DGAT2: variants seen among roughly 807,000 people sequenced by gnomAD.
The protein encoded by DGAT2 is diacylglycerol O-acyltransferase 2, also known as acyl-CoA retinol O-fatty-acyltransferase.
Under a neutral mutation model 48.4 loss-of-function variants are expected in DGAT2, and 33 were observed. The ratio of observed to expected loss-of-function variants is 0.68; its 90% CI spans 0.52 to 0.91. The LOEUF (loss-of-function observed/expected upper bound fraction) is 0.91, where lower values mean the gene tolerates loss of function less well. DGAT2 is among the 40% of genes least tolerant of loss of function. The pLI is 0.00. For missense variants in DGAT2, 446 were observed against 493.7 expected, an observed-to-expected ratio of 0.90 and a Z score of 0.92; for synonymous variants, 191 against 194.1, an observed-to-expected ratio of 0.98 and a Z score of 0.13.
At chr11:75,777,918 G>A (rs974505247) in intron 1 of DGAT2, among the ~76,000 whole-genome samples, 4 of 152,096 alleles carry the variant, frequency 2.6e-5, no homozygotes, top group African/African-American at 9.7e-5. Flanking sequence ...ACATTAATAC[G>A]TAGGTGTTTT....
rs1944730707 is a variant in DGAT2, at chr11:75,769,115, G to C, written c.121+3G>C. ...GCGCGAGGGGTCTGGGAGATGGGGT[G>C]AGTGCCACGGCGCAGGGGTTATGGA... On this transcript the variant is annotated splice_donor_region_variant and intron_variant, in intron 1 of 7. Transcript: ENST00000228027. 1.3e-6 allele frequency: 2 copies of C among 1,562,422 alleles called. No homozygotes were observed. The highest frequency in any genetic ancestry group is 2.0e-5 in the Admixed American group (1 of 50,496).
chr11:75,800,461 A>C lies in DGAT2; in HGVS notation c.1120A>C (p.Lys374Gln), dbSNP rs1444713069. The C allele has an allele frequency of 6.2e-7, 1 of 1,614,078 alleles. No individual in the cohort carries two copies. Among genetic ancestry groups the C allele is most frequent in the Non-Finnish European group, 8.5e-7 (1 of 1,180,028 alleles). The change falls in exon 8 of 8, where the codon AAG becomes CAG. Residue 374 changes from lysine to glutamine, a missense_variant. Lys to Gln is a moderately conservative substitution (Grantham distance 53, BLOSUM62 1). Transcript: ENST00000228027. The part of the protein sequence containing the change: ...EALVKLFDKH[K>Q]TKFGLPETEV... ...CCTGGTGAAGCTCTTCGACAAGCAC[A>C]AGACCAAGTTCGGCCTCCCGGAGAC...
chr11:75,790,102 C>A, intron 2 of DGAT2, 86 bp from the exon 3 acceptor site: 1 of 992,642 alleles, frequency 1.0e-6, no homozygotes, highest in Non-Finnish European at 1.6e-6. Context: ...TAGCTTAGTG[C>A]CACAGTAAAC....
intron 4 of DGAT2, chr11:75,794,941 CCCTCCTCCGTTCCT>C (rs1229110384): frequency 1.1e-3 from 2 of 1,866 alleles, no homozygotes; most frequent in African/African-American, 7.2e-3. Context: ...CCTCCCCTCC[CCCTCCTCCGTTCCT>C]CTCCCCTCTC....
chr11:75,785,134 C>T (rs1944908683), intron 2 of DGAT2, among the ~76,000 whole-genome samples: 1 of 152,182 alleles, frequency 6.6e-6, no homozygotes, highest in Non-Finnish European at 1.5e-5. Context: ...TGTTACTTTG[C>T]CTTAAGGTGG....
intron 7 of DGAT2, among the ~76,000 whole-genome samples, chr11:75,799,615 T>A (rs1005843121): frequency 2.3e-4 from 35 of 151,976 alleles, no homozygotes; most frequent in African/African-American, 4.6e-4. Flanking sequence ...CTTTTTATTT[T>A]TTTTTTTTTT....
At chr11:75,774,537 A>C (rs1244153617) in intron 1 of DGAT2, among the ~76,000 whole-genome samples, 1 of 152,176 alleles carries the variant, frequency 6.6e-6, no homozygotes. Flanking sequence ...TTAGGGCCTC[A>C]GCCTTCTCAT....
chr11:75,792,810 T>A (rs1590874057), intron 4 of DGAT2: 1 of 152,266 alleles, frequency 6.6e-6, no homozygotes, highest in South Asian at 2.1e-4. Context: ...CTGCCTCATT[T>A]CACTGATAGG....
chr11:75,793,315 A>C (rs111764474), intron 4 of DGAT2: 4 of 152,156 alleles, frequency 2.6e-5, no homozygotes, highest in Admixed American at 1.3e-4. Flanking sequence ...AGATGCCTAC[A>C]TTCTTCTGGG....
At chr11:75,788,725 C>T (rs1207328380) in intron 2 of DGAT2, among the ~76,000 whole-genome samples, 1 of 152,196 alleles carries the variant, frequency 6.6e-6, no homozygotes, top group African/African-American at 2.4e-5. Context: ...GGGCACACAG[C>T]AAGGGTTGGC....
At chr11:75,786,646 T>C (rs1944926068) in intron 2 of DGAT2, among the ~76,000 whole-genome samples, 1 of 152,202 alleles carries the variant, frequency 6.6e-6, no homozygotes, top group Non-Finnish European at 1.5e-5. Context: ...CTCGCATAGG[T>C]GGGAACCTGG....
In DGAT2 at chr11:75,798,228, G is replaced by A. The variant is rs1356644850; in HGVS notation, c.811G>A (p.Ala271Thr). Residue 271 changes from alanine to threonine, a missense_variant and splice_region_variant, in exon 7 of 8, where the codon GCT (alanine) becomes ACT (threonine). Physicochemically the swap from Ala to Thr is moderately conservative, Grantham distance 58. Coordinates refer to ENST00000228027, the MANE Select transcript of DGAT2 (RefSeq NM_032564.5). ...CAGACCCTGGCCTCTCCCTTCCAGA[G>A]CTGACCTGGTTCCCATCTACTCCTT... ...GFVKLALRHG[A>T]DLVPIYSFGE... 6.2e-7 allele frequency: 1 copy of A among 1,614,174 alleles called. No homozygotes were observed. Among genetic ancestry groups the A allele is most frequent in the Admixed American group, 1.7e-5 (1 of 60,028 alleles).
intron 1 of DGAT2, among the ~76,000 whole-genome samples, chr11:75,779,532 G>A (rs1332056990): frequency 1.3e-5 from 2 of 152,194 alleles, no homozygotes; most frequent in Non-Finnish European, 2.9e-5. Flanking sequence ...CTGTGGGACG[G>A]TGAAGCCCCA....
At chr11:75,799,348 A>G (rs1945088092) in intron 7 of DGAT2, among the ~76,000 whole-genome samples, 1 of 152,112 alleles carries the variant, frequency 6.6e-6, no homozygotes, top group African/African-American at 2.4e-5. Flanking sequence ...TGATCCTTGG[A>G]GCTGCTGGAT....
chr11:75,790,829 T>C lies in DGAT2; in HGVS notation c.429+98T>C, dbSNP rs7106322. 5.9e-3 allele frequency: 7,456 copies of C among 1,260,840 alleles called. 212 individuals are homozygous for C. In the African/African-American group the frequency reaches 0.069, roughly 12 times the overall value. The allele number at this position is 1,260,840 out of a possible 1,614,324, so 78.1% of individuals were successfully genotyped here. A position where few individuals can be genotyped will look rare whatever the true frequency, so the allele number is the denominator to read the frequency against. On this transcript the variant is annotated intron_variant, in intron 4 of 7. Transcript: ENST00000228027. The stretch of plus-strand genomic sequence containing the variant: ...CACAGGGAAGCAAGTTTAGACCAAG[T>C]TGGTCTCTTCATTTCCTTTCTACTG...
chr11:75,771,305 G>C (rs1384442179), intron 1 of DGAT2, among the ~76,000 whole-genome samples: 2 of 152,072 alleles, frequency 1.3e-5, no homozygotes, highest in Non-Finnish European at 2.9e-5. Flanking sequence ...GGACAGGAGG[G>C]ATATATATCC....
At chr11:75,799,754 C>T (rs1325791139) in intron 7 of DGAT2, among the ~76,000 whole-genome samples, 2 of 152,022 alleles carry the variant, frequency 1.3e-5, no homozygotes, top group Non-Finnish European at 2.9e-5. Flanking sequence ...GCTGGGACTA[C>T]AGGCGTGCAC....
intron 5 of DGAT2, 58 bp from the exon 6 acceptor site, chr11:75,797,100 G>T: frequency 7.1e-7 from 1 of 1,418,094 alleles, no homozygotes; most frequent in South Asian, 1.6e-5. Context: ...ACTGTGTGCC[G>T]GGGATGGGGA....
At chr11:75,800,265 C>A in intron 7 of DGAT2, 89 bp from the exon 8 acceptor site, 1 of 1,478,592 alleles carries the variant, frequency 6.8e-7, no homozygotes, top group Non-Finnish European at 9.1e-7. Context: ...ATGGCGGGCC[C>A]ACAGCCCAGC....
Sources: gnomAD v4.1 joint callset for allele counts (sites outside exome capture counted in the v4.1 genomes callset) on GRCh38, gnomAD v4.1.1 for gene constraint, MANE v1.5 for transcripts, NCBI Gene and HGNC (gene_info 2026-07-23, HGNC 2026-07-21) for gene names.